UGT2A2: variants seen among roughly 807,000 people sequenced by gnomAD.
UGT2A2 encodes the protein UDP-glucuronosyltransferase 2A2.
UGT2A2 carries 60 observed loss-of-function variants against 50.7 expected under a neutral mutation model. The observed-to-expected ratio is 1.18, with a 90% confidence interval of 0.96 to 1.47. The LOEUF (loss-of-function observed/expected upper bound fraction) is 1.47. Among genes scored for constraint, UGT2A2 ranks in the 40% most tolerant of loss-of-function variants. The pLI, the probability that UGT2A2 is intolerant of heterozygous loss-of-function variation, is 0.00. For missense variants in UGT2A2, 762 were observed against 634.0 expected, an observed-to-expected ratio of 1.20 and a Z score of -2.17; for synonymous variants, 242 against 214.6, an observed-to-expected ratio of 1.13 and a Z score of -1.11.
chr4:69,638,778 G>A lies in UGT2A2; in HGVS notation c.742+121C>T. 4 of 1,243,570 alleles carry A rather than the reference G, an allele frequency of 3.2e-6. No homozygotes were observed. In the South Asian group the frequency reaches 6.8e-5, roughly 21 times the overall value. 77.0% of individuals were successfully genotyped at this position (1,243,570 alleles called of 1,614,324 possible). ...ATAATCAGGGAATTGTTTGTACAGA[G>A]ATATAAGAAGTCCATTATCTTCAGC... On this transcript the variant is annotated intron_variant, in intron 1 of 5. Coordinates refer to ENST00000604629, the MANE Select transcript of UGT2A2 (RefSeq NM_001105677.2).
chr4:69,605,887 T>C (rs1480251185), intron 1 of UGT2A2, among the ~76,000 whole-genome samples: 2 of 136,580 alleles, frequency 1.5e-5, no homozygotes, highest in Admixed American at 7.2e-5. Context: ...ACATTGAATC[T>C]CTGAATAGAC....
At chr4:69,609,373 T>C (rs1719891763) in intron 1 of UGT2A2, among the ~76,000 whole-genome samples, 1 of 152,044 alleles carries the variant, frequency 6.6e-6, no homozygotes, top group South Asian at 2.1e-4. Flanking sequence ...TTTTTGTTTG[T>C]TTGTGTTGTA....
At chr4:69,634,130 A>C (rs914768995) in intron 1 of UGT2A2, among the ~76,000 whole-genome samples, 8 of 152,010 alleles carry the variant, frequency 5.3e-5, no homozygotes, top group Non-Finnish European at 1.0e-4. Flanking sequence ...CTGTAGTCCC[A>C]GCTACTCCGG....
intron 1 of UGT2A2, among the ~76,000 whole-genome samples, chr4:69,609,222 A>G (rs1719880433): frequency 1.3e-5 from 2 of 151,258 alleles, no homozygotes; most frequent in African/African-American, 4.9e-5. Context: ...GTGCCAACAC[A>G]GCTCACTGCA....
At chr4:69,599,148 T>C (rs1369951590) in intron 2 of UGT2A2, 98 bp downstream of exon 2, 5 of 1,441,660 alleles carry the variant, frequency 3.5e-6, no homozygotes, top group Non-Finnish European at 4.6e-6. Flanking sequence ...AACTGAAATG[T>C]CCAGCAGCAT....
intron 1 of UGT2A2, among the ~76,000 whole-genome samples, chr4:69,610,456 TA>T (rs973065304): frequency 3.3e-4 from 51 of 152,304 alleles, no homozygotes; most frequent in Admixed American, 1.9e-3. Flanking sequence ...GTATTACAAA[TA>T]TTTTTTTCAG....
At chr4:69,600,496 C>A (rs1560470647) in intron 1 of UGT2A2, among the ~76,000 whole-genome samples, 1 of 152,140 alleles carries the variant, frequency 6.6e-6, no homozygotes, top group African/African-American at 2.4e-5. Flanking sequence ...TGTGCTATGG[C>A]CACAGGCACA....
intron 1 of UGT2A2, among the ~76,000 whole-genome samples, chr4:69,610,246 C>CAAA (rs4148316): frequency 6.6e-6 from 1 of 151,172 alleles, no homozygotes; most frequent in African/African-American, 2.4e-5. Context: ...TCTGCCATTA[C>CAAA]AAAAAAAAAG....
intron 2 of UGT2A2, among the ~76,000 whole-genome samples, chr4:69,597,399 T>C (rs1173026576): frequency 3.9e-5 from 6 of 152,134 alleles, no homozygotes; most frequent in Non-Finnish European, 4.4e-5. Context: ...ATAAAATTCC[T>C]TAGGTAATTA....
Position 69,596,489 on chromosome 4 carries a change from T to A in UGT2A2, c.892-108A>T. 5 of 1,324,158 alleles carry A rather than the reference T, an allele frequency of 3.8e-6. No individual in the cohort carries two copies. The South Asian group carries it at 8.6e-5, about 23-fold the overall frequency. The allele number at this position is 1,324,158 out of a possible 1,614,324, so 82.0% of individuals were successfully genotyped here. On this transcript the variant is annotated intron_variant, in intron 2 of 5. Coordinates refer to ENST00000604629, the MANE Select transcript of UGT2A2 (RefSeq NM_001105677.2). ...ATTAAGATATATGTCAGAGAAACTG[T>A]TGAACTGTCTGTCTTCTGACATGTA...
chr4:69,619,934 T>C (rs1720645656), intron 1 of UGT2A2, among the ~76,000 whole-genome samples: 2 of 151,590 alleles, frequency 1.3e-5, no homozygotes, highest in South Asian at 4.1e-4. Context: ...AAAAGGCTTT[T>C]GATACCTTTA....
In UGT2A2 at chr4:69,599,448, G is replaced by T. The variant is rs190744355; in HGVS notation, c.743-54C>A. 2.5e-6 allele frequency: 4 copies of T among 1,580,824 alleles called. No individual in the cohort carries two copies. The African/African-American group carries it at 5.5e-5, about 22-fold the overall frequency. ...GGAAATTAGCTTATATGTTTGCTGA[G>T]GAGAAAAAAAAGCTACCAGTAATTT... On this transcript the variant is annotated intron_variant, in intron 1 of 5. Coordinates refer to ENST00000604629, the MANE Select transcript of UGT2A2 (RefSeq NM_001105677.2).
intron 5 of UGT2A2, among the ~76,000 whole-genome samples, chr4:69,592,771 TA>T (rs1317842394): frequency 2.0e-5 from 3 of 151,314 alleles, no homozygotes; most frequent in African/African-American, 4.9e-5. Flanking sequence ...GAAGTAAAGA[TA>T]AAAAATGGAA....
chr4:69,605,316 T>A lies in UGT2A2; in HGVS notation c.743-5922A>T, dbSNP rs759330035. Among the ~76,000 whole-genome samples, 2 of 136,958 alleles carry A rather than the reference T, an allele frequency of 1.5e-5. 1 individual carries two copies. Among genetic ancestry groups the A allele is most frequent in the South Asian group, 4.7e-4 (2 of 4,226 alleles). The allele number at this position is 136,958 out of a possible 152,430, so 89.8% of individuals were successfully genotyped here. A position where few individuals can be genotyped will look rare whatever the true frequency, so the allele number is the denominator to read the frequency against. ...GGAAACTGAACAACCTGCTCCTGAA[T>A]GACTACTGGGTACATAACGAAATGA... On this transcript the variant is annotated intron_variant, in intron 1 of 5. Coordinates refer to ENST00000604629, the MANE Select transcript of UGT2A2 (RefSeq NM_001105677.2).
At chr4:69,606,316 C>A (rs1293445948) in intron 1 of UGT2A2, among the ~76,000 whole-genome samples, 1 of 136,226 alleles carries the variant, frequency 7.3e-6, no homozygotes, top group East Asian at 2.1e-4. Flanking sequence ...GAACCAAAGA[C>A]AAAAACCACA....
chr4:69,629,692 A>G (rs1173630853), intron 1 of UGT2A2, among the ~76,000 whole-genome samples: 3 of 152,126 alleles, frequency 2.0e-5, no homozygotes, highest in African/African-American at 7.2e-5. Flanking sequence ...GTACAACTCT[A>G]CTGGAAGAGG....
intron 1 of UGT2A2, among the ~76,000 whole-genome samples, chr4:69,621,495 A>G (rs1720754228): frequency 6.6e-6 from 1 of 151,954 alleles, no homozygotes; most frequent in Non-Finnish European, 1.5e-5. Context: ...AAAAGTAAAA[A>G]AAATAACAGA....
chr4:69,639,606 T>G lies in UGT2A2; in HGVS notation c.35A>C (p.Lys12Thr), dbSNP rs1721939541. 1.9e-6 allele frequency: 3 copies of G among 1,601,882 alleles called. No homozygotes were observed. Among genetic ancestry groups the G allele is most frequent in the Non-Finnish European group, 8.5e-7 (1 of 1,175,610 alleles). ...ATTAAAAACCAGCATCTGGACAAAC[T>G]TCTTAGGCATGGTAAAATCCCTTAT... ...VSIRDFTMPK[K>T]FVQMLVFNLT... The change falls in exon 1 of 6, where the codon AAG becomes ACG. Residue 12 changes from lysine (K) to threonine (T), a missense_variant. Lys to Thr is a moderately conservative substitution (Grantham distance 78). Transcript: ENST00000604629.
chr4:69,625,313 T>G (rs1720990709), intron 1 of UGT2A2, among the ~76,000 whole-genome samples: 1 of 151,060 alleles, frequency 6.6e-6, no homozygotes, highest in East Asian at 1.9e-4. Context: ...CTTGGATCTA[T>G]TTGTATATGG....
Sources: allele counts gnomAD v4.1 joint callset (sites outside exome capture counted in the v4.1 genomes callset), GRCh38; gene constraint gnomAD v4.1.1; transcripts MANE v1.5; gene names NCBI Gene and HGNC (gene_info 2026-07-23, HGNC 2026-07-21).